Variants in KIF1B observed in about 807,000 individuals in gnomAD.
The protein encoded by KIF1B is kinesin-like protein KIF1B.
In KIF1B, 76 loss-of-function variants were observed where a neutral mutation model predicts 241.9. That is an observed-to-expected ratio of 0.31 (90% CI 0.26 to 0.38). KIF1B has a LOEUF of 0.38. Ranked by LOEUF, KIF1B falls within the 10% of genes least tolerant of loss-of-function variation. KIF1B has a pLI of 1.00. For missense variants in KIF1B, 1,622 were observed against 2,271.4 expected (o/e 0.71, Z 5.81); for synonymous variants, 750 against 796.7 (o/e 0.94, Z 0.99).
chr1:10,320,910 A>G (rs987631188), intron 23 of KIF1B, among the ~76,000 whole-genome samples: 21 of 152,006 alleles, frequency 1.4e-4, no homozygotes, highest in Admixed American at 1.2e-3. Context: ...CATGTTGGTC[A>G]GACTGGTCTC....
chr1:10,234,771 C>T (rs750477728), intron 2 of KIF1B, among the ~76,000 whole-genome samples: 4 of 152,054 alleles, frequency 2.6e-5, no homozygotes, highest in Non-Finnish European at 4.4e-5. Flanking sequence ...TGATCCTTGC[C>T]TTGGCCTCCC....
intron 22 of KIF1B, among the ~76,000 whole-genome samples, chr1:10,297,978 A>G (rs1650353380): frequency 1.3e-5 from 2 of 152,176 alleles, no homozygotes; most frequent in Admixed American, 6.5e-5. Flanking sequence ...ATGGTAATTG[A>G]TTTCCCAGAT....
chr1:10,217,378 C>T lies in KIF1B; in HGVS notation c.-80+6500C>T, dbSNP rs185829815. On this transcript the variant is annotated intron_variant, in intron 1 of 48. Transcript: ENST00000676179. ...TTTTTTTGAGACAGCCTTGCTGTGTCTCCCAGGCTGGGGTGCAGAGGCACA... is the reference window on the plus strand; with the variant it reads ...TTTTTTTGAGACAGCCTTGCTGTGTTTCCCAGGCTGGGGTGCAGAGGCACA... 1.6e-3 allele frequency among the ~76,000 whole-genome samples: 227 copies of T among 143,478 alleles called. 1 individual carries two copies. The highest frequency in any genetic ancestry group is 5.7e-3 in the African/African-American group (224 of 39,124). The allele number at this position is 143,478 out of a possible 152,430, so 94.1% of individuals were successfully genotyped here.
At chr1:10,347,971 T>TC (rs1207271109) in intron 36 of KIF1B, 144 bp downstream of exon 36, 1 of 656,656 alleles carries the variant, frequency 1.5e-6, no homozygotes, top group African/African-American at 1.8e-5. Context: ...TTTTTTTTTT[T>TC]CTGTGTCTGT....
At chr1:10,248,362 G>C (rs1443403006) in intron 2 of KIF1B, among the ~76,000 whole-genome samples, 1 of 151,846 alleles carries the variant, frequency 6.6e-6, no homozygotes, top group Non-Finnish European at 1.5e-5. Flanking sequence ...ACCATACTTG[G>C]CTAATTTTTT....
chr1:10,268,484 A>T (rs1344484662), intron 7 of KIF1B, among the ~76,000 whole-genome samples: 2 of 152,200 alleles, frequency 1.3e-5, no homozygotes, highest in African/African-American at 2.4e-5. Flanking sequence ...TAGGGTTAAG[A>T]AAAAAACAAT....
At chr1:10,264,684 CAG>C (rs1179932947) in intron 5 of KIF1B, among the ~76,000 whole-genome samples, 7 of 151,758 alleles carry the variant, frequency 4.6e-5, no homozygotes, top group African/African-American at 1.7e-4. Context: ...TTTTTGGAGA[CAG>C]AGTCTCACTC....
At chr1:10,249,253 C>CTATTTT (rs1647310388) in intron 2 of KIF1B, among the ~76,000 whole-genome samples, 1 of 152,074 alleles carries the variant, frequency 6.6e-6, no homozygotes, top group South Asian at 2.1e-4. Context: ...GTCCAACACA[C>CTATTTT]TATTTTAGCT....
At chr1:10,268,128 GT>G (rs775733969) in intron 6 of KIF1B, 23 bp from the exon 7 acceptor site, 1 of 1,504,930 alleles carries the variant, frequency 6.6e-7, no homozygotes, top group Admixed American at 1.7e-5. Flanking sequence ...CCCTTGTCAC[GT>G]GGTCACCTTT....
At chr1:10,334,335 G>A (rs746057699) in intron 27 of KIF1B, among the ~76,000 whole-genome samples, 185 bp from the exon 28 acceptor site, 6 of 152,258 alleles carry the variant, frequency 3.9e-5, no homozygotes, top group Admixed American at 2.6e-4. Flanking sequence ...CCAAGCGTTT[G>A]CTTGTTCATT....
intron 13 of KIF1B, chr1:10,278,753 T>C (rs1279184527): frequency 4.1e-6 from 1 of 246,438 alleles, no homozygotes; most frequent in Non-Finnish European, 7.8e-6. Context: ...GATGTGCCTA[T>C]CCAGTGGCTT....
chr1:10,297,672 C>CT (rs943485158), intron 22 of KIF1B, among the ~76,000 whole-genome samples: 2 of 150,690 alleles, frequency 1.3e-5, no homozygotes, highest in African/African-American at 2.4e-5. Flanking sequence ...CTTGGGCTGA[C>CT]TTTGGGATTG....
chr1:10,268,244 C>G lies in KIF1B; in HGVS notation c.701C>G (p.Thr234Ser). 6.2e-7 allele frequency: 1 copy of G among 1,609,228 alleles called. No homozygotes were observed. The highest frequency in any genetic ancestry group is 8.5e-7 in the Non-Finnish European group (1 of 1,175,574). The change falls in exon 7 of 49, where the codon ACC becomes AGC. Residue 234 changes from threonine (T) to serine (S), a missense_variant. Physicochemically the swap from Thr to Ser is moderately conservative, Grantham distance 58. Coordinates refer to ENST00000676179, the MANE Select transcript of KIF1B (RefSeq NM_001365951.3). ...VFTQKKHDNETNLSTEKVSKI... is the reference protein window; with the variant it reads ...VFTQKKHDNESNLSTEKVSKI... ...ACCCAGAAGAAACACGATAATGAGA[C>G]CAACCTTTCCACTGAGAAGGTAGGA...
chr1:10,257,179 C>T (rs750428183), intron 3 of KIF1B, among the ~76,000 whole-genome samples: 4 of 148,216 alleles, frequency 2.7e-5, no homozygotes, highest in Admixed American at 2.0e-4. Flanking sequence ...CCACCTGCCT[C>T]GACCTCTCAA....
Position 10,334,640 on chromosome 1 carries a change from T to C in KIF1B, c.3043+2T>C. ...GTGTGGCTGTACAGGCCATCGCAGG[T>C]AGGTGACCCTCTTCTGAAATGAGAG... On this transcript the variant is annotated splice_donor_variant, in intron 28 of 48. Coordinates refer to ENST00000676179, the MANE Select transcript of KIF1B (RefSeq NM_001365951.3). LOFTEE classifies it high-confidence loss of function. 1 of 1,606,868 alleles carries C rather than the reference T, an allele frequency of 6.2e-7. No homozygotes were observed. Among genetic ancestry groups the C allele is most frequent in the Non-Finnish European group, 8.5e-7 (1 of 1,173,504 alleles).
In KIF1B at chr1:10,326,828, G is replaced by A. The variant is rs1557716151; in HGVS notation, c.2924+469G>A. On this transcript the variant is annotated intron_variant, in intron 27 of 48. Coordinates refer to ENST00000676179, the MANE Select transcript of KIF1B (RefSeq NM_001365951.3). This position sits in a 1 kb window ranked among gnomAD's most constrained non-coding sequence, Gnocchi z 5.2. ...AGAATTTGTGGTACTGCAGGAGTCA[G>A]AGGACAAAAGTAGATTCAGGAGTAG... 6.6e-6 allele frequency among the ~76,000 whole-genome samples: 1 copy of A among 152,212 alleles called. No individual in the cohort carries two copies. Among genetic ancestry groups the A allele is most frequent in the Non-Finnish European group, 1.5e-5 (1 of 68,040 alleles).
intron 4 of KIF1B, among the ~76,000 whole-genome samples, chr1:10,259,548 G>A (rs1195073451): frequency 6.6e-6 from 1 of 150,902 alleles, no homozygotes; most frequent in Admixed American, 6.6e-5. Flanking sequence ...TGTTGCCCAG[G>A]CTGGAGTGCA....
intron 14 of KIF1B, among the ~76,000 whole-genome samples, chr1:10,280,488 C>T (rs1649356829): frequency 6.6e-6 from 1 of 152,144 alleles, no homozygotes; most frequent in African/African-American, 2.4e-5. Context: ...CCTGCCTTGG[C>T]CTCCCAAAGT....
intron 38 of KIF1B, among the ~76,000 whole-genome samples, chr1:10,359,854 T>C (rs577144675): frequency 8.6e-5 from 13 of 151,990 alleles, no homozygotes; most frequent in African/African-American, 3.1e-4. Flanking sequence ...GCCAACATGG[T>C]GAAACCCCTC....
Sources: gnomAD v4.1 joint callset for allele counts (sites outside exome capture counted in the v4.1 genomes callset) on GRCh38, gnomAD v4.1.1 for gene constraint, Gnocchi (gnomAD v3.1) non-coding constraint, MANE v1.5 for transcripts, NCBI Gene and HGNC (gene_info 2026-07-23, HGNC 2026-07-21) for gene names.